Variants in LGSN observed in about 807,000 individuals in gnomAD.
LGSN encodes lengsin.
A neutral mutation model predicts 19.5 loss-of-function variants in LGSN; 21 were observed. That is an observed-to-expected ratio of 1.07 (90% confidence interval 0.76 to 1.55). The LOEUF (loss-of-function observed/expected upper bound fraction) is 1.55. LGSN is among the 40% of genes most tolerant of loss of function. The probability of loss-of-function intolerance (pLI) is 0.00; values close to 1 mark genes in which losing one functional copy is unlikely to be tolerated. For missense variants in LGSN, 673 were observed against 608.5 expected (o/e 1.11, Z -1.12); for synonymous variants, 257 against 215.6 (o/e 1.19, Z -1.68).
At chr6:63,323,344 G>A (rs964823043), upstream of LGSN, among the ~76,000 whole-genome samples, 3 of 152,006 alleles carry the variant, frequency 2.0e-5, no homozygotes, top group East Asian at 1.9e-4. Flanking sequence ...AGCCATCACC[G>A]GAATAGTATA....
chr6:63,420,480 C>A, the LGSN span, among the ~76,000 whole-genome samples: 2 of 152,208 alleles, frequency 1.3e-5, no homozygotes. Flanking sequence ...CTGGCTTTAA[C>A]TGGCTACTCT....
the LGSN span, among the ~76,000 whole-genome samples, chr6:63,526,153 C>T: frequency 5.5e-4 from 84 of 151,820 alleles, no homozygotes; most frequent in Middle Eastern, 3.4e-3. Flanking sequence ...GGTGAAATCC[C>T]GTCTCCACTA....
At chr6:63,316,697 T>C (rs1244636009) in intron 1 of LGSN, among the ~76,000 whole-genome samples, 1 of 151,930 alleles carries the variant, frequency 6.6e-6, no homozygotes, top group African/African-American at 2.4e-5. Context: ...GCTTTGTGGG[T>C]GAGCAGAAAA....
the LGSN span, among the ~76,000 whole-genome samples, chr6:63,473,291 G>A: frequency 6.6e-6 from 1 of 151,402 alleles, no homozygotes; most frequent in Non-Finnish European, 1.5e-5. Context: ...TGGGCAACAT[G>A]GCAAAACCCT....
intron 2 of LGSN, among the ~76,000 whole-genome samples, chr6:63,293,272 C>T (rs1263939127): frequency 1.3e-5 from 2 of 152,172 alleles, no homozygotes; most frequent in African/African-American, 2.4e-5. Flanking sequence ...GCTGGGATTA[C>T]AGGTGTAAGC....
rs562289369 is a variant in LGSN, at chr6:63,314,152, ACCTAATG to A, written c.30+5755_30+5761del. Among the ~76,000 whole-genome samples the A allele has an allele frequency of 3.0e-3, 452 of 152,244 alleles. 4 individuals are homozygous for A. The highest frequency in any genetic ancestry group is 0.01 in the African/African-American group (427 of 41,562). On this transcript the variant is annotated intron_variant, in intron 1 of 3. Transcript: ENST00000370657. ...CACAAACCATACAGTAAACCCTAAC[ACCTAATG>A]CGATGATGTTAGGAGGTAGAGCCTT... is the stretch of plus-strand genomic sequence containing the variant.
the LGSN span, among the ~76,000 whole-genome samples, chr6:63,530,568 C>G: frequency 5.9e-5 from 9 of 152,054 alleles, no homozygotes; most frequent in Non-Finnish European, 1.2e-4. Flanking sequence ...AAAAAAGCCC[C>G]CTGAATTTGT....
chr6:63,337,439 T>A, the LGSN span, among the ~76,000 whole-genome samples: 1 of 151,820 alleles, frequency 6.6e-6, no homozygotes, highest in Non-Finnish European at 1.5e-5. Context: ...ATAGCGCCAC[T>A]GCACTCCAGC....
chr6:63,400,894 T>G, the LGSN span, among the ~76,000 whole-genome samples: 2 of 151,966 alleles, frequency 1.3e-5, no homozygotes, highest in Non-Finnish European at 2.9e-5. Context: ...CTCGGGAGGC[T>G]GATGCAGGAG....
In LGSN at chr6:63,319,922, G is replaced by T; in HGVS notation, c.22C>A (p.Leu8Met). Reference protein sequence around the residue: MNNEEDLLQEDSTRDEGN... With the variant: MNNEEDLMQEDSTRDEGN... ...AATGATTAGCTTCATACCTCCTGCA[G>T]AAGGTCCTCTTCATTATTCATCTCA... Residue 8 changes from leucine to methionine, a missense_variant, in exon 1 of 4, where the codon CTG (leucine) becomes ATG (methionine). By Grantham distance (15) the Leu-to-Met change is conservative. Transcript: ENST00000370657. 1 of 1,609,792 alleles carries T rather than the reference G, an allele frequency of 6.2e-7. No homozygotes were observed.
the LGSN span, among the ~76,000 whole-genome samples, chr6:63,474,373 C>A: frequency 6.6e-6 from 1 of 151,962 alleles, no homozygotes; most frequent in Non-Finnish European, 1.5e-5. Context: ...CATTGGGAGG[C>A]CAAGGTGGGC....
the LGSN span, among the ~76,000 whole-genome samples, chr6:63,403,072 T>C: frequency 6.7e-6 from 1 of 148,856 alleles, no homozygotes; most frequent in African/African-American, 2.5e-5. Context: ...TATATAGAGA[T>C]AGATAGATGA....
At chr6:63,455,933 A>G in the LGSN span, among the ~76,000 whole-genome samples, 1 of 151,490 alleles carries the variant, frequency 6.6e-6, no homozygotes, top group South Asian at 2.1e-4. Flanking sequence ...TTAACTTTTG[A>G]TTATTAAAAA....
chr6:63,542,274 G>C, the LGSN span, among the ~76,000 whole-genome samples: 1 of 152,132 alleles, frequency 6.6e-6, no homozygotes, highest in Non-Finnish European at 1.5e-5. Flanking sequence ...GACTCAGGGG[G>C]AAAGGGTGGG....
the LGSN span, among the ~76,000 whole-genome samples, chr6:63,542,650 G>C: frequency 6.6e-6 from 1 of 152,030 alleles, no homozygotes; most frequent in Non-Finnish European, 1.5e-5. Context: ...TAGTTGACCA[G>C]TTTTCTCCTT....
the LGSN span, among the ~76,000 whole-genome samples, chr6:63,477,365 T>C: frequency 1.3e-5 from 2 of 152,332 alleles, no homozygotes; most frequent in East Asian, 1.9e-4. Flanking sequence ...TTTTGTTCTA[T>C]GTAAAAACAT....
At chr6:63,572,434 T>G in the LGSN span, 2 of 369,916 alleles carry the variant, frequency 5.4e-6, no homozygotes, top group East Asian at 3.9e-5. Context: ...GCTGGAGGGT[T>G]GCACGTCGCG....
At chr6:63,381,239 T>C in the LGSN span, among the ~76,000 whole-genome samples, 16 of 152,318 alleles carry the variant, frequency 1.1e-4, no homozygotes, top group African/African-American at 3.8e-4. Flanking sequence ...CAGCAGCTTA[T>C]GATGCCAAAT....
chr6:63,385,209 C>T, the LGSN span, among the ~76,000 whole-genome samples: 1 of 152,308 alleles, frequency 6.6e-6, no homozygotes, highest in East Asian at 1.9e-4. Flanking sequence ...TGTTACTGGA[C>T]ATTTTGATAT....
Sources: gnomAD v4.1 joint callset for allele counts (sites outside exome capture counted in the v4.1 genomes callset) on GRCh38, gnomAD v4.1.1 for gene constraint, MANE v1.5 for transcripts, NCBI Gene and HGNC (gene_info 2026-07-23, HGNC 2026-07-21) for gene names.